RNF214: variants seen among roughly 807,000 people sequenced by gnomAD.
RNF214 encodes the protein ring finger protein 214.
In RNF214, 25 loss-of-function variants were observed where a neutral mutation model predicts 75.9. The observed-to-expected ratio is 0.33, with a 90% CI of 0.24 to 0.46. The LOEUF (loss-of-function observed/expected upper bound fraction) is 0.46. Among genes scored for constraint, RNF214 ranks in the 20% least tolerant of loss-of-function variants. The probability of loss-of-function intolerance (pLI) is 1.00; values close to 1 mark genes in which losing one functional copy is unlikely to be tolerated. For missense variants in RNF214, 725 were observed against 857.5 expected, an observed-to-expected ratio of 0.85 and a Z score of 1.93; for synonymous variants, 314 against 308.8, an observed-to-expected ratio of 1.02 and a Z score of -0.18.
At chr11:117,238,266 C>T (rs968571228) in intron 2 of RNF214, among the ~76,000 whole-genome samples, 11 of 152,102 alleles carry the variant, frequency 7.2e-5, no homozygotes, top group East Asian at 1.9e-4. Context: ...ATTAGCTGGG[C>T]GTAGTGGCAT....
At chr11:117,236,427 C>T (rs2032913323) in intron 2 of RNF214, among the ~76,000 whole-genome samples, 1 of 152,130 alleles carries the variant, frequency 6.6e-6, no homozygotes, top group Non-Finnish European at 1.5e-5. Context: ...GCGCCCGCCA[C>T]CACACCCGGC....
intron 6 of RNF214, among the ~76,000 whole-genome samples, chr11:117,262,661 C>T (rs1296602306): frequency 6.6e-6 from 1 of 151,616 alleles, no homozygotes; most frequent in Non-Finnish European, 1.5e-5. Context: ...AGATTACAAG[C>T]GTGAGCTACC....
At chr11:117,249,758 G>A (rs1477241591) in intron 6 of RNF214, among the ~76,000 whole-genome samples, 5 of 152,134 alleles carry the variant, frequency 3.3e-5, no homozygotes, top group African/African-American at 7.2e-5. Flanking sequence ...TGGCTTTTGT[G>A]CTATGCATGC....
At chr11:117,247,894 C>A (rs1003983522) in intron 6 of RNF214, among the ~76,000 whole-genome samples, 2 of 150,854 alleles carry the variant, frequency 1.3e-5, no homozygotes, top group Non-Finnish European at 3.0e-5. Context: ...AAACAAAGTT[C>A]AGACCATGAG....
chr11:117,273,311 G>A (rs955253691), intron 6 of RNF214, among the ~76,000 whole-genome samples: 2 of 151,766 alleles, frequency 1.3e-5, no homozygotes, highest in Admixed American at 6.6e-5. Context: ...TTGCATTGTG[G>A]GATCTGAAAC....
intron 6 of RNF214, among the ~76,000 whole-genome samples, chr11:117,267,191 C>T (rs898050549): frequency 1.5e-4 from 23 of 152,062 alleles, no homozygotes; most frequent in African/African-American, 5.3e-4. Flanking sequence ...TGGTTTGTGG[C>T]TTGCCCTTGC....
intron 2 of RNF214, among the ~76,000 whole-genome samples, chr11:117,236,422 C>T (rs958751928): frequency 2.7e-4 from 41 of 152,150 alleles, no homozygotes; most frequent in African/African-American, 8.2e-4. Context: ...AACAGGCGCC[C>T]GCCACCACAC....
intron 6 of RNF214, among the ~76,000 whole-genome samples, chr11:117,264,829 C>T (rs1021723582): frequency 6.6e-6 from 1 of 151,936 alleles, no homozygotes; most frequent in Non-Finnish European, 1.5e-5. Flanking sequence ...TTTGGGAAGC[C>T]AAGGTGGGCG....
In RNF214 at chr11:117,283,201, G is replaced by A. The variant is rs770801618; in HGVS notation, c.2037G>A (p.Leu679=). The change falls in exon 14 of 15, where the codon TTG becomes TTA. Residue 679 remains leucine, a synonymous_variant. Transcript: ENST00000300650. ...ELHPMACTHV[L]HKECIKFWAQ... is the part of the protein sequence containing the mutation. ...ATCCAATGGCGTGTACCCATGTATT[G>A]CACAAGGAGGTAGGTGTTACAGACC... 13 of 1,610,444 alleles carry A rather than the reference G, an allele frequency of 8.1e-6. No individual in the cohort carries two copies. The South Asian group carries it at 1.1e-4, about 14-fold the overall frequency.
chr11:117,279,400 C>G (rs1029555041), intron 6 of RNF214, among the ~76,000 whole-genome samples: 1 of 142,908 alleles, frequency 7.0e-6, no homozygotes, highest in Non-Finnish European at 1.5e-5. Context: ...GGTGCAATCT[C>G]GGCTCACTGC....
At chr11:117,235,611 A>T (rs1034473181) in intron 2 of RNF214, among the ~76,000 whole-genome samples, 4 of 145,432 alleles carry the variant, frequency 2.8e-5, no homozygotes, top group African/African-American at 1.0e-4. Flanking sequence ...CGTCTCCTGG[A>T]TTCCCTTACC....
intron 1 of RNF214, among the ~76,000 whole-genome samples, chr11:117,233,352 G>T (rs992663516): frequency 1.3e-5 from 2 of 152,174 alleles, no homozygotes; most frequent in Non-Finnish European, 2.9e-5. Context: ...GGCACAGAGG[G>T]TCTGTGGGCT....
At chr11:117,242,769 G>C (rs1210635272) in intron 4 of RNF214, among the ~76,000 whole-genome samples, 1 of 152,192 alleles carries the variant, frequency 6.6e-6, no homozygotes, top group Admixed American at 6.5e-5. Context: ...AGAGAGAATT[G>C]CTTGAACTCG....
intron 3 of RNF214, 146 bp from the exon 4 acceptor site, chr11:117,239,655 A>G (rs2033017246): frequency 3.1e-6 from 2 of 646,608 alleles, no homozygotes; most frequent in East Asian, 2.8e-5. Flanking sequence ...TCCGTTTGCC[A>G]GAACTACATT....
chr11:117,241,907 T>G (rs1456865794), intron 4 of RNF214, among the ~76,000 whole-genome samples: 1 of 152,214 alleles, frequency 6.6e-6, no homozygotes. Context: ...TATAATTACT[T>G]TATAATACAG....
At chr11:117,234,683 T>TA (rs1340231736) in intron 2 of RNF214, among the ~76,000 whole-genome samples, 1 of 152,250 alleles carries the variant, frequency 6.6e-6, no homozygotes, top group Non-Finnish European at 1.5e-5. Context: ...GTTTATATGT[T>TA]ATATATGAGA....
chr11:117,249,489 G>A (rs1014785533), intron 6 of RNF214, among the ~76,000 whole-genome samples: 2 of 152,112 alleles, frequency 1.3e-5, no homozygotes, highest in African/African-American at 4.8e-5. Context: ...AATGTCTCTT[G>A]TAGGTATCTT....
chr11:117,242,406 A>T (rs2134361610), intron 4 of RNF214, among the ~76,000 whole-genome samples: 1 of 152,346 alleles, frequency 6.6e-6, no homozygotes, highest in East Asian at 1.9e-4. Context: ...AAGTTTTAAA[A>T]TAGAGACTAG....
chr11:117,250,600 T>A (rs2033345843), intron 6 of RNF214, among the ~76,000 whole-genome samples: 1 of 49,724 alleles, frequency 2.0e-5, no homozygotes, highest in Non-Finnish European at 3.0e-5. Context: ...TTTATTTATT[T>A]ATTTATTTAT....
Sources: allele counts gnomAD v4.1 joint callset (sites outside exome capture counted in the v4.1 genomes callset), GRCh38; gene constraint gnomAD v4.1.1; transcripts MANE v1.5; gene names NCBI Gene and HGNC (gene_info 2026-07-23, HGNC 2026-07-21).